PAQR8: variants seen among roughly 807,000 people sequenced by gnomAD.
PAQR8 encodes progestin and adipoQ receptor family member 8, also known as membrane progestin receptor beta.
In PAQR8, 17 loss-of-function variants were observed where a neutral mutation model predicts 25.2. That is an observed-to-expected ratio of 0.67 (90% confidence interval 0.46 to 1.01). The LOEUF (loss-of-function observed/expected upper bound fraction) is 1.01. PAQR8 is among the 50% of genes least tolerant of loss of function. PAQR8 has a pLI of 0.00. For missense variants in PAQR8, 392 were observed against 448.4 expected, an observed-to-expected ratio of 0.87 and a Z score of 1.14; for synonymous variants, 204 against 190.6, an observed-to-expected ratio of 1.07 and a Z score of -0.58.
intron 1 of PAQR8, among the ~76,000 whole-genome samples, chr6:52,400,241 G>A (rs759802320): frequency 2.0e-4 from 31 of 152,158 alleles, no homozygotes; most frequent in Non-Finnish European, 3.5e-4. Flanking sequence ...TACAGGGGCT[G>A]CCATAGAAAT....
intron 1 of PAQR8, among the ~76,000 whole-genome samples, chr6:52,385,290 C>A (rs62407863): frequency 3.3e-5 from 5 of 152,152 alleles, no homozygotes; most frequent in Admixed American, 1.3e-4. Context: ...TCCCTTTTCT[C>A]TTCCATCGTC....
At chr6:52,381,189 T>C (rs1763555127) in intron 1 of PAQR8, among the ~76,000 whole-genome samples, 1 of 152,198 alleles carries the variant, frequency 6.6e-6, no homozygotes, top group South Asian at 2.1e-4. Flanking sequence ...TGTTTGTAAC[T>C]CTCTTGCCAG....
intron 1 of PAQR8, among the ~76,000 whole-genome samples, chr6:52,380,641 G>C (rs1200655152): frequency 6.6e-6 from 1 of 152,174 alleles, no homozygotes; most frequent in African/African-American, 2.4e-5. Context: ...CTGAGAAAAC[G>C]TACATTTTTC....
chr6:52,365,679 A>G (rs577258765), intron 1 of PAQR8, among the ~76,000 whole-genome samples: 13 of 152,332 alleles, frequency 8.5e-5, no homozygotes, highest in African/African-American at 3.1e-4. Flanking sequence ...AACTACAAAT[A>G]GAACATTTTG....
chr6:52,365,838 A>AT (rs199759325), intron 1 of PAQR8, among the ~76,000 whole-genome samples: 18 of 150,338 alleles, frequency 1.2e-4, no homozygotes, highest in African/African-American at 2.2e-4. Context: ...TTGAATTCAG[A>AT]TTTTTTTTTT....
chr6:52,371,366 T>C (rs1026976019), intron 1 of PAQR8, among the ~76,000 whole-genome samples: 1 of 152,204 alleles, frequency 6.6e-6, no homozygotes, highest in Non-Finnish European at 1.5e-5. Context: ...GTAATAACAA[T>C]GGTCTTGCTA....
chr6:52,383,806 C>T (rs1397629797), intron 1 of PAQR8, among the ~76,000 whole-genome samples: 1 of 152,100 alleles, frequency 6.6e-6, no homozygotes, highest in African/African-American at 2.4e-5. Context: ...AGGCTAGGTC[C>T]TGGAAGGCTT....
chr6:52,381,795 A>G (rs567072625), intron 1 of PAQR8, among the ~76,000 whole-genome samples: 3 of 152,240 alleles, frequency 2.0e-5, no homozygotes, highest in Non-Finnish European at 2.9e-5. Context: ...CTTTATGCAT[A>G]CACAGCTCTC....
chr6:52,407,628 C>T lies in PAQR8; in HGVS notation c.*3350C>T, dbSNP rs116301436. 1,976 of 150,816 alleles carry T rather than the reference C, an allele frequency of 0.013. 19 individuals carry two copies. Among genetic ancestry groups the T allele is most frequent in the Middle Eastern group, 0.023 (5 of 220 alleles). The allele number at this position is 150,816 out of a possible 1,614,324, so 9.3% of individuals were successfully genotyped here. A position where few individuals can be genotyped will look rare whatever the true frequency, so the allele number is the denominator to read the frequency against. Reference sequence around the variant, plus strand: ...CTCAGAAAGGGCACTGCCATTGTCCCCAAGGCTTCTGTCTACTAATTCTAT... The same window carrying T: ...CTCAGAAAGGGCACTGCCATTGTCCTCAAGGCTTCTGTCTACTAATTCTAT... On this transcript the variant is annotated 3_prime_UTR_variant, in exon 2 of 2. Coordinates refer to ENST00000442253, the MANE Select transcript of PAQR8 (RefSeq NM_133367.5).
intron 1 of PAQR8, among the ~76,000 whole-genome samples, chr6:52,401,034 T>C (rs1485684264): frequency 6.6e-6 from 1 of 152,126 alleles, no homozygotes; most frequent in East Asian, 1.9e-4. Flanking sequence ...ATATATAGAA[T>C]TATGAAGAAA....
intron 1 of PAQR8, among the ~76,000 whole-genome samples, chr6:52,377,575 CA>C (rs1432609518): frequency 2.6e-5 from 4 of 151,926 alleles, no homozygotes; most frequent in Non-Finnish European, 1.5e-5. Flanking sequence ...AAAAAAATAT[CA>C]AAACACAGGA....
chr6:52,372,979 C>T (rs1056449128), intron 1 of PAQR8, among the ~76,000 whole-genome samples: 17 of 152,174 alleles, frequency 1.1e-4, no homozygotes, highest in Non-Finnish European at 2.1e-4. Flanking sequence ...TTGTAACTGA[C>T]GGAGTCAGGA....
At chr6:52,392,781 C>T (rs551845989) in intron 1 of PAQR8, among the ~76,000 whole-genome samples, 12 of 152,234 alleles carry the variant, frequency 7.9e-5, no homozygotes, top group Non-Finnish European at 1.5e-4. Context: ...TGAAAGAAGC[C>T]CATCAGATTT....
rs1036656002 is a variant in PAQR8 at position 52,362,258 on chromosome 6, C to T, written c.-53+9C>T. ...GGCCGCCGCCCCTGCCGGTGAGTCC[C>T]GCCGCGGGAGGCGCGGAACGGGTCG... On this transcript the variant is annotated intron_variant, in intron 1 of 1. Coordinates refer to ENST00000442253, the MANE Select transcript of PAQR8 (RefSeq NM_133367.5). This position sits in a 1 kb window ranked among gnomAD's most constrained non-coding sequence, Gnocchi z 4.1. 25 of 152,296 alleles carry T rather than the reference C, an allele frequency of 1.6e-4. No homozygotes were observed. Among genetic ancestry groups the T allele is most frequent in the African/African-American group, 5.5e-4 (23 of 41,578 alleles). 9.4% of individuals were successfully genotyped at this position (152,296 alleles called of 1,614,324 possible).
chr6:52,377,328 T>A (rs896205193), intron 1 of PAQR8, among the ~76,000 whole-genome samples: 5 of 152,186 alleles, frequency 3.3e-5, no homozygotes, highest in African/African-American at 9.6e-5. Flanking sequence ...AGGATTGTGG[T>A]TTATTTTAAG....
chr6:52,371,020 G>T (rs1463309789), intron 1 of PAQR8, among the ~76,000 whole-genome samples: 2 of 152,144 alleles, frequency 1.3e-5, no homozygotes, highest in Non-Finnish European at 2.9e-5. Flanking sequence ...AGGTACAGGA[G>T]ATAACAGAGA....
At chr6:52,390,503 C>A (rs532050853) in intron 1 of PAQR8, among the ~76,000 whole-genome samples, 16 of 152,188 alleles carry the variant, frequency 1.1e-4, no homozygotes, top group Admixed American at 1.0e-3. Flanking sequence ...CATCTTGCTG[C>A]CAGATCTGTG....
rs928081958 is a variant in PAQR8 at position 52,403,759 on chromosome 6, A to G, written c.546A>G (p.Ala182=). 5.6e-6 allele frequency: 9 copies of G among 1,614,228 alleles called. No individual in the cohort carries two copies. The highest frequency in any genetic ancestry group is 7.6e-6 in the Non-Finnish European group (9 of 1,180,032). The change falls in exon 2 of 2, where the codon GCA becomes GCG. Residue 182 remains alanine, a synonymous_variant. Transcript: ENST00000442253. ...YDRFWLFFLP[A]AAFCGWLSCA... is the part of the protein sequence containing the mutation. ...GGTTCTGGCTTTTCTTCTTGCCAGC[A>G]GCTGCCTTCTGTGGCTGGTTATCTT...
Position 52,403,877 on chromosome 6 carries a change from A to G in PAQR8, c.664A>G (p.Ile222Val). 6.2e-7 allele frequency: 1 copy of G among 1,614,136 alleles called. No individual in the cohort carries two copies. The highest frequency in any genetic ancestry group is 8.5e-7 in the Non-Finnish European group (1 of 1,180,026). Residue 222 changes from isoleucine (I) to valine (V), a missense_variant, in exon 2 of 2, where the codon ATC becomes GTC. By Grantham distance (29) the Ile-to-Val change is conservative (BLOSUM62 3). Coordinates refer to ENST00000442253, the MANE Select transcript of PAQR8 (RefSeq NM_133367.5). ...CQVVPAGLAF[I>V]LDISPVAHRV... ...AGTGGTGCCAGCAGGTCTGGCTTTT[A>G]TCCTAGACATCAGCCCTGTGGCACA...
Sources: gnomAD v4.1 joint callset for allele counts (sites outside exome capture counted in the v4.1 genomes callset) on GRCh38, gnomAD v4.1.1 for gene constraint, Gnocchi (gnomAD v3.1) non-coding constraint, MANE v1.5 for transcripts, NCBI Gene and HGNC (gene_info 2026-07-23, HGNC 2026-07-21) for gene names.